COBL: variants seen among roughly 807,000 people sequenced by gnomAD.
The protein encoded by COBL is protein cordon-bleu.
In COBL, 51 loss-of-function variants were observed where a neutral mutation model predicts 98.8. The observed-to-expected ratio is 0.52, with a 90% CI of 0.41 to 0.65. The LOEUF (loss-of-function observed/expected upper bound fraction) is 0.65, where lower values mean the gene tolerates loss of function less well. Among genes scored for constraint, COBL ranks in the 30% least tolerant of loss-of-function variants. COBL has a pLI of 0.00. For synonymous variants in COBL, 634 were observed against 651.7 expected, an observed-to-expected ratio of 0.97 and a Z score of 0.41; for missense variants, 1,617 against 1,617.5, an observed-to-expected ratio of 1.00 and a Z score of 0.01.
chr7:51,129,996 T>C (rs1798583627), intron 6 of COBL, among the ~76,000 whole-genome samples: 1 of 152,188 alleles, frequency 6.6e-6, no homozygotes, highest in Non-Finnish European at 1.5e-5. Flanking sequence ...ATGGGAGTGC[T>C]TGAGCCCGGG....
chr7:51,193,659 G>C (rs1005011798), intron 2 of COBL, 70 bp from the exon 3 acceptor site: 2 of 1,405,864 alleles, frequency 1.4e-6, no homozygotes, highest in Admixed American at 3.8e-5. Context: ...GCTAAATAAG[G>C]GTAGAACAAA....
At chr7:51,023,700 C>T (rs976269700) in intron 12 of COBL, among the ~76,000 whole-genome samples, 2 of 152,244 alleles carry the variant, frequency 1.3e-5, no homozygotes, top group African/African-American at 4.8e-5. Flanking sequence ...ATTCTCAGTG[C>T]CCCGAGGCTT....
chr7:51,231,658 G>A (rs892642546), intron 1 of COBL, among the ~76,000 whole-genome samples: 1 of 152,232 alleles, frequency 6.6e-6, no homozygotes, highest in Non-Finnish European at 1.5e-5. Flanking sequence ...CCTGGAAGCA[G>A]GTAGCTGCTG....
chr7:51,238,648 C>A (rs1038790114), intron 1 of COBL, among the ~76,000 whole-genome samples: 1 of 79,304 alleles, frequency 1.3e-5, no homozygotes, highest in East Asian at 4.7e-4. Context: ...TGAATACACA[C>A]TAGCCAGTCT....
At position 51,078,356 on chromosome 7, in the gene COBL, G is replaced by A. The variant is rs1793292439; in HGVS notation, c.1096+6810C>T. Among the ~76,000 whole-genome samples the A allele has an allele frequency of 2.0e-5, 3 of 152,296 alleles. No individual in the cohort carries two copies. The South Asian group carries it at 6.2e-4, about 32-fold the overall frequency. ...GGATATGATACATGGAACAGCCACA[G>A]ACCCATTGCTCCCAGCCTTAGGGGG... On this transcript the variant is annotated intron_variant, in intron 7 of 12. Coordinates refer to ENST00000265136, the MANE Select transcript of COBL (RefSeq NM_015198.5).
intron 5 of COBL, among the ~76,000 whole-genome samples, chr7:51,165,834 A>G (rs1197853955): frequency 1.3e-5 from 2 of 151,982 alleles, no homozygotes; most frequent in South Asian, 4.1e-4. Context: ...TATACAAATA[A>G]TGGGAATTAA....
At chr7:51,211,601 T>G (rs565336421) in intron 2 of COBL, among the ~76,000 whole-genome samples, 1 of 152,350 alleles carries the variant, frequency 6.6e-6, no homozygotes, top group South Asian at 2.1e-4. Context: ...ATCACCTATC[T>G]GTATGTTGCC....
intron 1 of COBL, among the ~76,000 whole-genome samples, chr7:51,226,130 G>T (rs1394408871): frequency 6.6e-6 from 1 of 152,190 alleles, no homozygotes; most frequent in African/African-American, 2.4e-5. Context: ...CCACAGTGAT[G>T]CTGAGGCCAG....
At chr7:51,139,866 G>C (rs1194828220) in intron 5 of COBL, among the ~76,000 whole-genome samples, 2 of 152,160 alleles carry the variant, frequency 1.3e-5, no homozygotes, top group Non-Finnish European at 2.9e-5. Context: ...AGTCAAAACA[G>C]CTTGGCCCCC....
chr7:51,164,577 G>C (rs995719061), intron 5 of COBL, among the ~76,000 whole-genome samples: 1 of 151,986 alleles, frequency 6.6e-6, no homozygotes, highest in East Asian at 1.9e-4. Flanking sequence ...AAAAGCTGGG[G>C]AATTTCTCAA....
chr7:51,308,176 A>C (rs993871805), intron 1 of COBL, among the ~76,000 whole-genome samples: 1 of 152,172 alleles, frequency 6.6e-6, no homozygotes, highest in Non-Finnish European at 1.5e-5. Context: ...ACACTAGTGG[A>C]TTTTGCACTT....
intron 5 of COBL, 93 bp from the exon 6 acceptor site, chr7:51,136,424 C>T: frequency 7.5e-7 from 1 of 1,332,364 alleles, no homozygotes; most frequent in Non-Finnish European, 1.0e-6. Context: ...CCAATCCGTC[C>T]ACCTGAGCTT....
chr7:51,129,554 C>T (rs1274260048), intron 6 of COBL, among the ~76,000 whole-genome samples: 1 of 152,090 alleles, frequency 6.6e-6, no homozygotes, highest in African/African-American at 2.4e-5. Flanking sequence ...GTTTAATGAG[C>T]ACAGTGTTAG....
intron 6 of COBL, among the ~76,000 whole-genome samples, chr7:51,130,237 C>T (rs1170647164): frequency 2.0e-5 from 3 of 152,154 alleles, no homozygotes; most frequent in Non-Finnish European, 4.4e-5. Flanking sequence ...GAGCCTCAGC[C>T]GACCTGAGTC....
chr7:51,145,714 A>G (rs1784967256), intron 5 of COBL, among the ~76,000 whole-genome samples: 1 of 152,226 alleles, frequency 6.6e-6, no homozygotes, highest in Admixed American at 6.5e-5. Context: ...AGGAACAGCC[A>G]AAGTGCTTTC....
chr7:51,284,679 T>C (rs1448416381), intron 1 of COBL, among the ~76,000 whole-genome samples: 1 of 149,744 alleles, frequency 6.7e-6, no homozygotes, highest in Non-Finnish European at 1.5e-5. Context: ...ATACAAAAAT[T>C]AGCTGGGCAT....
chr7:51,122,074 T>C (rs941878854), intron 6 of COBL, among the ~76,000 whole-genome samples: 1 of 152,202 alleles, frequency 6.6e-6, no homozygotes, highest in African/African-American at 2.4e-5. Flanking sequence ...AGCTCACCTT[T>C]CATTTTGATT....
chr7:51,224,215 A>G (rs927744604), intron 1 of COBL, among the ~76,000 whole-genome samples: 4 of 152,206 alleles, frequency 2.6e-5, no homozygotes, highest in Admixed American at 2.6e-4. Context: ...TTAAGGATAC[A>G]TTTCTCAGAG....
intron 1 of COBL, among the ~76,000 whole-genome samples, chr7:51,297,069 CAGGCAGCA>C (rs2129196813): frequency 6.6e-6 from 1 of 152,276 alleles, no homozygotes; most frequent in Non-Finnish European, 1.5e-5. Flanking sequence ...TCTGCTGGCC[CAGGCAGCA>C]TCCCCCTGCA....
Sources: allele counts gnomAD v4.1 joint callset (sites outside exome capture counted in the v4.1 genomes callset), GRCh38; gene constraint gnomAD v4.1.1; transcripts MANE v1.5; gene names NCBI Gene and HGNC (gene_info 2026-07-23, HGNC 2026-07-21).